The following GABRB1 variants were observed in gnomAD, a reference collection of about 807,000 sequenced individuals.
GABRB1 encodes the protein gamma-aminobutyric acid receptor subunit beta-1.
In GABRB1, 17 loss-of-function variants were observed where a neutral mutation model predicts 51.6. The observed-to-expected ratio is 0.33, with a 90% confidence interval of 0.23 to 0.49. The LOEUF is 0.49. GABRB1 is among the 20% of genes least tolerant of loss of function. The probability of loss-of-function intolerance (pLI) is 0.99; values close to 1 mark genes in which losing one functional copy is unlikely to be tolerated. For synonymous variants in GABRB1, 247 were observed against 218.9 expected (o/e 1.13, Z -1.14); for missense variants, 410 against 600.6 (o/e 0.68, Z 3.32).
chr4:47,234,324 C>G (rs1165807437), intron 4 of GABRB1, among the ~76,000 whole-genome samples: 1 of 152,022 alleles, frequency 6.6e-6, no homozygotes, highest in Non-Finnish European at 1.5e-5. Context: ...ACCATCTCTA[C>G]TAAAAATACA....
intron 4 of GABRB1, among the ~76,000 whole-genome samples, chr4:47,209,570 T>G (rs1720269053): frequency 6.6e-6 from 1 of 152,138 alleles, no homozygotes; most frequent in Admixed American, 6.6e-5. Flanking sequence ...CATTGTGCAA[T>G]TTTTAGTGTA....
chr4:47,001,188 G>A (rs1406037547), intron 1 of GABRB1, among the ~76,000 whole-genome samples: 1 of 152,062 alleles, frequency 6.6e-6, no homozygotes, highest in Non-Finnish European at 1.5e-5. Context: ...TGTCGCCCAG[G>A]CTGGAGTACA....
intron 1 of GABRB1, among the ~76,000 whole-genome samples, chr4:47,004,632 C>T (rs556617278): frequency 6.6e-6 from 1 of 152,266 alleles, no homozygotes; most frequent in South Asian, 2.1e-4. Context: ...CAAAACACAC[C>T]TTGCTTTTTG....
intron 4 of GABRB1, among the ~76,000 whole-genome samples, chr4:47,243,858 A>G (rs750174567): frequency 2.0e-5 from 3 of 152,072 alleles, no homozygotes; most frequent in Non-Finnish European, 4.4e-5. Flanking sequence ...CTCTTTTCCT[A>G]ATTGAATGCC....
intron 4 of GABRB1, among the ~76,000 whole-genome samples, chr4:47,241,018 A>T (rs766259466): frequency 6.6e-6 from 1 of 152,120 alleles, no homozygotes; most frequent in African/African-American, 2.4e-5. Flanking sequence ...AATCTTTTTT[A>T]AAAAAATAAT....
chr4:47,142,025 A>G (rs10938472), intron 3 of GABRB1, among the ~76,000 whole-genome samples: 39,688 of 151,822 alleles, frequency 0.26, 6,286 homozygotes, highest in Middle Eastern at 0.43. Context: ...TCAGTGAATA[A>G]AATATAATTC....
chr4:47,425,851 C>T lies in GABRB1; in HGVS notation c.1258C>T (p.Arg420Trp), dbSNP rs781583138. The change falls in exon 9 of 9, where the codon CGG becomes TGG. Residue 420 changes from arginine to tryptophan, a missense_variant. This residue lies in a region of GABRB1 where 181 missense variants were observed against 195.6 expected (regional missense o/e 0.93). Coordinates refer to ENST00000295454, the MANE Select transcript of GABRB1 (RefSeq NM_000812.4). ...CGAGGCCTACGGGCGCGCCCTGGAC[C>T]GGCACGGGGTACCCAGCAAGGGGCG... ...SREAYGRALD[R>W]HGVPSKGRIR... 1.2e-6 allele frequency: 2 copies of T among 1,614,094 alleles called. No individual in the cohort carries two copies. Among genetic ancestry groups the T allele is most frequent in the African/African-American group, 2.7e-5 (2 of 75,066 alleles).
At chr4:47,060,107 T>C (rs1726783878) in intron 3 of GABRB1, among the ~76,000 whole-genome samples, 1 of 152,196 alleles carries the variant, frequency 6.6e-6, no homozygotes, top group South Asian at 2.1e-4. Context: ...CCTTAGGAAA[T>C]GGATGACAAA....
intron 8 of GABRB1, among the ~76,000 whole-genome samples, chr4:47,422,144 C>A (rs982265628): frequency 6.6e-6 from 1 of 151,050 alleles, no homozygotes; most frequent in African/African-American, 2.4e-5. Context: ...AGCACATGTT[C>A]CCATTGCTCA....
intron 7 of GABRB1, among the ~76,000 whole-genome samples, chr4:47,404,493 A>G (rs1406208009): frequency 2.2e-5 from 1 of 45,874 alleles, no homozygotes. Flanking sequence ...ACGCATGCAC[A>G]CACACACACA....
At chr4:47,233,454 A>G (rs1187966620) in intron 4 of GABRB1, among the ~76,000 whole-genome samples, 1 of 152,294 alleles carries the variant, frequency 6.6e-6, no homozygotes, top group Admixed American at 6.5e-5. Flanking sequence ...TATTATTAAT[A>G]TTGAACTTTT....
intron 4 of GABRB1, among the ~76,000 whole-genome samples, chr4:47,182,941 C>A (rs1354606750): frequency 1.3e-5 from 2 of 151,712 alleles, no homozygotes; most frequent in Non-Finnish European, 2.9e-5. Flanking sequence ...TTCCCATATG[C>A]CAATTGTTTA....
Position 47,232,876 on chromosome 4 carries a change from ATT to A in GABRB1, c.461+71422_461+71423del, listed in dbSNP as rs11357071. Among the ~76,000 whole-genome samples, 1,199 of 135,902 alleles carry A rather than the reference ATT, an allele frequency of 8.8e-3. 11 individuals are homozygous for A. Among genetic ancestry groups the A allele is most frequent in the African/African-American group, 0.029 (1,052 of 36,798 alleles). 89.2% of individuals were successfully genotyped at this position (135,902 alleles called of 152,430 possible). On this transcript the variant is annotated intron_variant, in intron 4 of 8. Transcript: ENST00000295454. ...CTGCCACACCCAGATTATGATCATC[ATT>A]TTTTTTTTTTTTTTGAGGCGTAGTC...
At position 47,188,606 on chromosome 4, in the gene GABRB1, A is replaced by T. The variant is rs199526312; in HGVS notation, c.461+27137A>T. On this transcript the variant is annotated intron_variant, in intron 4 of 8. Transcript: ENST00000295454. Reference sequence around the variant, plus strand: ...CCGATGTACTTTAGAATAAAAATTTAAAAAAAAACATTCTTTCTATTCCTT... The same window carrying T: ...CCGATGTACTTTAGAATAAAAATTTTAAAAAAAACATTCTTTCTATTCCTT... 5.5e-4 allele frequency among the ~76,000 whole-genome samples: 84 copies of T among 151,436 alleles called. 1 individual carries two copies. The East Asian group carries it at 0.01, about 19-fold the overall frequency.
At chr4:47,016,324 T>C (rs894480036) in intron 1 of GABRB1, among the ~76,000 whole-genome samples, 10 of 152,308 alleles carry the variant, frequency 6.6e-5, no homozygotes, top group African/African-American at 2.2e-4. Context: ...TCTCAACTAC[T>C]GAATAAAAAA....
At chr4:47,375,878 G>C (rs1189695183) in intron 5 of GABRB1, among the ~76,000 whole-genome samples, 1 of 152,194 alleles carries the variant, frequency 6.6e-6, no homozygotes. Context: ...TGACTGGGCG[G>C]ATGATAGATC....
intron 1 of GABRB1, among the ~76,000 whole-genome samples, chr4:47,007,123 G>C (rs759001903): frequency 1.4e-5 from 2 of 146,326 alleles, no homozygotes; most frequent in Non-Finnish European, 3.0e-5. Flanking sequence ...CTGAGTGACA[G>C]AGCGAGACCC....
chr4:47,299,208 G>A (rs1442936467), intron 4 of GABRB1, among the ~76,000 whole-genome samples: 2 of 152,126 alleles, frequency 1.3e-5, no homozygotes, highest in African/African-American at 4.8e-5. Flanking sequence ...AACACCAAAA[G>A]CAATGGCAGC....
intron 8 of GABRB1, among the ~76,000 whole-genome samples, chr4:47,424,616 T>C (rs1358326317): frequency 6.6e-6 from 1 of 152,192 alleles, no homozygotes; most frequent in Non-Finnish European, 1.5e-5. Flanking sequence ...TTCAAAAGCA[T>C]TTATAGACTC....
Sources: gnomAD v4.1 joint callset for allele counts (sites outside exome capture counted in the v4.1 genomes callset) on GRCh38, gnomAD v4.1.1 for gene constraint, gnomAD v4.1.1 regional missense constraint, MANE v1.5 for transcripts, NCBI Gene and HGNC (gene_info 2026-07-23, HGNC 2026-07-21) for gene names.